THEMIS: variants seen among roughly 807,000 people sequenced by gnomAD.
The protein encoded by THEMIS is protein THEMIS.
In THEMIS, 37 loss-of-function variants were observed where a neutral mutation model predicts 52.6. That is an observed-to-expected ratio of 0.70 (90% CI 0.54 to 0.93). The LOEUF (loss-of-function observed/expected upper bound fraction) is 0.93. THEMIS is among the 40% of genes least tolerant of loss of function. The probability of loss-of-function intolerance (pLI) is 0.00; values close to 1 mark genes in which losing one functional copy is unlikely to be tolerated. For synonymous variants in THEMIS, 292 were observed against 272.7 expected, an observed-to-expected ratio of 1.07 and a Z score of -0.70; for missense variants, 808 against 763.1, an observed-to-expected ratio of 1.06 and a Z score of -0.69.
At chr6:127,741,505 C>A (rs1775202058) in intron 4 of THEMIS, among the ~76,000 whole-genome samples, 1 of 152,092 alleles carries the variant, frequency 6.6e-6, no homozygotes, top group Non-Finnish European at 1.5e-5. Context: ...GGAGAATAAA[C>A]CGACTAAGGA....
intron 4 of THEMIS, among the ~76,000 whole-genome samples, chr6:127,794,382 A>C (rs868601245): frequency 6.6e-6 from 1 of 152,104 alleles, no homozygotes. Flanking sequence ...AATTAAGCCA[A>C]GATTACTACA....
intron 4 of THEMIS, among the ~76,000 whole-genome samples, chr6:127,788,957 A>G (rs144543896): frequency 0.022 from 3,403 of 152,294 alleles, 141 homozygotes; most frequent in African/African-American, 0.078. Context: ...CCGTAACATC[A>G]CAATTAAAAG....
chr6:127,706,914 C>T (rs931121548), downstream of THEMIS, among the ~76,000 whole-genome samples: 17 of 152,066 alleles, frequency 1.1e-4, no homozygotes, highest in African/African-American at 4.1e-4. Context: ...TCCATTCTTA[C>T]ACTGCTAATA....
chr6:127,777,221 T>G, intron 4 of THEMIS, among the ~76,000 whole-genome samples: 1 of 152,108 alleles, frequency 6.6e-6, no homozygotes, highest in Admixed American at 6.5e-5. Flanking sequence ...CATTTTTACT[T>G]TTTTGCTTAT....
intron 4 of THEMIS, among the ~76,000 whole-genome samples, chr6:127,771,156 C>A (rs190012169): frequency 1.3e-5 from 2 of 152,216 alleles, no homozygotes; most frequent in Admixed American, 6.5e-5. Flanking sequence ...TGAGTGAACT[C>A]CCATTCACAA....
chr6:127,805,337 CATGAT>C (rs777292673), intron 4 of THEMIS, among the ~76,000 whole-genome samples: 2 of 152,032 alleles, frequency 1.3e-5, no homozygotes, highest in Non-Finnish European at 2.9e-5. Context: ...TCTAAGACAT[CATGAT>C]TATACTGAAG....
At chr6:127,822,936 T>C (rs981608219) in intron 3 of THEMIS, among the ~76,000 whole-genome samples, 2 of 152,140 alleles carry the variant, frequency 1.3e-5, no homozygotes, top group African/African-American at 4.8e-5. Flanking sequence ...TTTAGATCTT[T>C]TCAACTCCCA....
At chr6:127,703,972 C>T (rs969920793), downstream of THEMIS, among the ~76,000 whole-genome samples, 2 of 152,284 alleles carry the variant, frequency 1.3e-5, no homozygotes, top group Middle Eastern at 3.4e-3. Flanking sequence ...GCACCTCTTG[C>T]TGCATCCTTA....
At chr6:127,792,298 C>A (rs1777185499) in intron 4 of THEMIS, among the ~76,000 whole-genome samples, 2 of 152,224 alleles carry the variant, frequency 1.3e-5, no homozygotes, top group Admixed American at 1.3e-4. Flanking sequence ...CAGCAGGCAT[C>A]ATGGGACCAT....
the THEMIS span, among the ~76,000 whole-genome samples, chr6:127,696,793 A>G: frequency 1.7e-4 from 26 of 151,780 alleles, 1 homozygote; most frequent in East Asian, 5.0e-3. Flanking sequence ...CTGTCTTTAC[A>G]TAGTCTTTCC....
At chr6:127,703,237 C>T (rs567714985), downstream of THEMIS, among the ~76,000 whole-genome samples, 180 of 151,288 alleles carry the variant, frequency 1.2e-3, no homozygotes, top group African/African-American at 4.1e-3. Flanking sequence ...TTAGTAGAGA[C>T]GGGGTTTCAC....
At chr6:127,828,870 C>T (rs1230507175) in intron 3 of THEMIS, among the ~76,000 whole-genome samples, 1 of 152,142 alleles carries the variant, frequency 6.6e-6, no homozygotes, top group Non-Finnish European at 1.5e-5. Context: ...AGGAGAATCA[C>T]TGCACTCCAG....
In THEMIS at chr6:127,802,290, C is replaced by A. The variant is rs140295948; in HGVS notation, c.1758+10593G>T. Reference sequence around the variant, plus strand: ...GCCTTGCAAAATAGATTTATGAGGGCAGCACCTGCATCTCTGAAGAGCCCT... The same window carrying A: ...GCCTTGCAAAATAGATTTATGAGGGAAGCACCTGCATCTCTGAAGAGCCCT... On this transcript the variant is annotated intron_variant, in intron 4 of 5. Coordinates refer to ENST00000368248, the MANE Select transcript of THEMIS (RefSeq NM_001010923.3). Among the ~76,000 whole-genome samples the A allele has an allele frequency of 8.0e-3, 1,224 of 152,266 alleles. 22 individuals are homozygous for A. The highest frequency in any genetic ancestry group is 0.027 in the African/African-American group (1,114 of 41,558).
intron 1 of THEMIS, among the ~76,000 whole-genome samples, chr6:127,891,677 C>T (rs1780816039): frequency 6.6e-6 from 1 of 152,110 alleles, no homozygotes; most frequent in Non-Finnish European, 1.5e-5. Flanking sequence ...ATTGCAGTCT[C>T]CTAATATATC....
chr6:127,733,467 G>A (rs764149246), intron 4 of THEMIS, among the ~76,000 whole-genome samples: 3 of 152,206 alleles, frequency 2.0e-5, no homozygotes, highest in East Asian at 1.9e-4. Context: ...CTAACAATTC[G>A]CTGACATCAA....
chr6:127,774,291 C>A (rs747382958), intron 4 of THEMIS, among the ~76,000 whole-genome samples: 4 of 152,204 alleles, frequency 2.6e-5, no homozygotes, highest in Non-Finnish European at 4.4e-5. Flanking sequence ...CTGCAAGCTC[C>A]GCCTCCCGGG....
intron 1 of THEMIS, among the ~76,000 whole-genome samples, chr6:127,911,997 T>C (rs369505862): frequency 1.3e-5 from 2 of 152,172 alleles, no homozygotes; most frequent in South Asian, 4.1e-4. Flanking sequence ...GTTTTTCTCA[T>C]GGTTCACCTT....
chr6:127,819,118 T>TAAA (rs142123167), intron 3 of THEMIS, among the ~76,000 whole-genome samples: 347 of 19,496 alleles, frequency 0.018, 8 homozygotes, highest in Non-Finnish European at 0.022. Context: ...AGACTCTGTC[T>TAAA]AAAAAAAAAA....
At chr6:127,918,061 A>G (rs1781561794) in intron 1 of THEMIS, among the ~76,000 whole-genome samples, 1 of 152,222 alleles carries the variant, frequency 6.6e-6, no homozygotes, top group Non-Finnish European at 1.5e-5. Flanking sequence ...ATGTACAATT[A>G]GAGTAAATTT....
Sources: allele counts gnomAD v4.1 joint callset (sites outside exome capture counted in the v4.1 genomes callset), GRCh38; gene constraint gnomAD v4.1.1; transcripts MANE v1.5; gene names NCBI Gene and HGNC (gene_info 2026-07-23, HGNC 2026-07-21).